The following NPR1 variants were observed in gnomAD, a reference collection of about 807,000 sequenced individuals.
The protein encoded by NPR1 is natriuretic peptide receptor 1.
NPR1 carries 57 observed loss-of-function variants against 116.9 expected under a neutral mutation model. The ratio of observed to expected loss-of-function variants is 0.49; its 90% CI spans 0.39 to 0.61. The LOEUF (loss-of-function observed/expected upper bound fraction) is 0.61. NPR1 is among the 20% of genes least tolerant of loss of function. The probability of loss-of-function intolerance (pLI) is 0.00; values close to 1 mark genes in which losing one functional copy is unlikely to be tolerated. For missense variants in NPR1, 1,096 were observed against 1,409.8 expected (o/e 0.78, Z 3.56); for synonymous variants, 555 against 601.6 (o/e 0.92, Z 1.13).
At chr1:153,686,967 T>A in intron 11 of NPR1, 49 bp from the exon 12 acceptor site, 2 of 1,595,436 alleles carry the variant, frequency 1.3e-6, no homozygotes, top group Non-Finnish European at 1.7e-6. Flanking sequence ...CTCCTCCAAC[T>A]CCCAGGGGGA....
Position 153,679,669 on chromosome 1 carries a change from C to T in NPR1, c.561C>T (p.Ala187=), listed in dbSNP as rs1439581713. 3 of 1,608,304 alleles carry T rather than the reference C, an allele frequency of 1.9e-6. No homozygotes were observed. Among genetic ancestry groups the T allele is most frequent in the Non-Finnish European group, 2.5e-6 (3 of 1,178,868 alleles). The change falls in exon 1 of 22, where the codon GCC becomes GCT. Residue 187 remains alanine (A), a synonymous_variant. Coordinates refer to ENST00000368680, the MANE Select transcript of NPR1 (RefSeq NM_000906.4). This position sits in a 1 kb window ranked among gnomAD's most constrained non-coding sequence, Gnocchi z 4.2. ...AGCGCCAAGCGCTCATGCTCTACGC[C>T]TACCGGCCGGGTGACGAAGAGCACT... ...GWERQALMLY[A]YRPGDEEHCF...
At position 153,679,124 on chromosome 1, in the gene NPR1, C is replaced by G; in HGVS notation, c.16C>G (p.Arg6Gly). MPGPR[R>G]PAGSRLRLLL... ...CGCTGAGGCCATGCCGGGGCCCCGG[C>G]GCCCCGCTGGCTCCCGCCTGCGCCT... The change falls in exon 1 of 22, where the codon CGC (arginine) becomes GGC (glycine). Residue 6 changes from arginine (R) to glycine (G), a missense_variant. Arg to Gly is a moderately radical substitution (Grantham distance 125). Coordinates refer to ENST00000368680, the MANE Select transcript of NPR1 (RefSeq NM_000906.4). The surrounding 1 kb of genome is among the most constrained non-coding windows in gnomAD (Gnocchi z 4.2). The G allele has an allele frequency of 7.0e-7, 1 of 1,434,746 alleles. No homozygotes were observed. Among genetic ancestry groups the G allele is most frequent in the Non-Finnish European group, 9.0e-7 (1 of 1,105,522 alleles). The allele number at this position is 1,434,746 out of a possible 1,614,324, so 88.9% of individuals were successfully genotyped here. A position where few individuals can be genotyped will look rare whatever the true frequency, so the allele number is the denominator to read the frequency against.
At position 153,687,952 on chromosome 1, in the gene NPR1, C is replaced by G. The variant is rs1466374589; in HGVS notation, c.2249-101C>G. ...AGTGACCAGTCCCCCGCCCCCATGC[C>G]TTGGTCTTGGACTTCCCCTGCCATC... is the stretch of plus-strand genomic sequence containing the variant. On this transcript the variant is annotated intron_variant, in intron 14 of 21. Transcript: ENST00000368680. 6 of 1,109,892 alleles carry G rather than the reference C, an allele frequency of 5.4e-6. No homozygotes were observed. The Middle Eastern group carries it at 1.2e-3, about 228-fold the overall frequency. 68.8% of individuals were successfully genotyped at this position (1,109,892 alleles called of 1,614,324 possible).
Position 153,679,886 on chromosome 1 carries a change from T to G in NPR1, c.721+57T>G. The G allele has an allele frequency of 6.6e-7, 1 of 1,509,806 alleles. No homozygotes were observed. Among genetic ancestry groups the G allele is most frequent in the Non-Finnish European group, 8.8e-7 (1 of 1,138,414 alleles). The allele number at this position is 1,509,806 out of a possible 1,614,324, so 93.5% of individuals were successfully genotyped here. On this transcript the variant is annotated intron_variant, in intron 1 of 21. Transcript: ENST00000368680. This position sits in a 1 kb window ranked among gnomAD's most constrained non-coding sequence, Gnocchi z 4.2. ...TAGCCGCAGGGCCTCCCCTCTGACC[T>G]GCCGGAGGCATCGGGACTTTCTCTC...
At position 153,689,122 on chromosome 1, in the gene NPR1, C is replaced by T. The variant is rs375117744; in HGVS notation, c.2564+23C>T. ...TCAGTGAGTGCCTGAGTCTGGGGAC[C>T]CCCCCCAACACAAAGCCCCTGTCCC... On this transcript the variant is annotated intron_variant, in intron 16 of 21. Transcript: ENST00000368680. This position sits in a 1 kb window ranked among gnomAD's most constrained non-coding sequence, Gnocchi z 5.1. 7 of 1,613,782 alleles carry T rather than the reference C, an allele frequency of 4.3e-6. No individual in the cohort carries two copies. The African/African-American group carries it at 6.7e-5, about 15-fold the overall frequency.
At position 153,680,594 on chromosome 1, in the gene NPR1, A is replaced by G; in HGVS notation, c.815A>G (p.His272Arg). ...GLCGEDYVFF[H>R]LDIFGQSLQG... ...TGTGGGGAGGACTACGTTTTCTTCC[A>G]CCTGGATATCTTTGGGCAAAGCCTG... Residue 272 changes from histidine (H) to arginine (R), a missense_variant, in exon 2 of 22, where the codon CAC (histidine) becomes CGC (arginine). His to Arg is a conservative substitution (Grantham distance 29, BLOSUM62 0). Coordinates refer to ENST00000368680, the MANE Select transcript of NPR1 (RefSeq NM_000906.4). 2 of 1,613,928 alleles carry G rather than the reference A, an allele frequency of 1.2e-6. No homozygotes were observed. Among genetic ancestry groups the G allele is most frequent in the Non-Finnish European group, 1.7e-6 (2 of 1,179,982 alleles).
In NPR1 at chr1:153,689,258, T is replaced by C. The variant is rs1670021413; in HGVS notation, c.2635T>C (p.Phe879Leu). 1 of 1,614,076 alleles carries C rather than the reference T, an allele frequency of 6.2e-7. No individual in the cohort carries two copies. The highest frequency in any genetic ancestry group is 1.7e-5 in the Admixed American group (1 of 60,002). The change falls in exon 17 of 22, where the codon TTC (phenylalanine) becomes CTC (leucine). Residue 879 changes from phenylalanine (F) to leucine (L), a missense_variant. Coordinates refer to ENST00000368680, the MANE Select transcript of NPR1 (RefSeq NM_000906.4). This position sits in a 1 kb window ranked among gnomAD's most constrained non-coding sequence, Gnocchi z 5.1. ...AGCCTTTGACAGTGTTACCATCTACTTCAGTGACATTGTGGGTTTCACAGC... is the reference window on the plus strand; with the variant it reads ...AGCCTTTGACAGTGTTACCATCTACCTCAGTGACATTGTGGGTTTCACAGC... ...AEAFDSVTIY[F>L]SDIVGFTALS... is the part of the protein sequence containing the mutation.
In NPR1 at chr1:153,678,784, T is replaced by A. The variant is rs1669669435; in HGVS notation, c.-325T>A. 2.8e-6 allele frequency: 1 copy of A among 355,032 alleles called. No homozygotes were observed. Among genetic ancestry groups the A allele is most frequent in the Admixed American group, 5.5e-5 (1 of 18,030 alleles). 22.0% of individuals were successfully genotyped at this position (355,032 alleles called of 1,614,324 possible). On this transcript the variant is annotated 5_prime_UTR_variant, in exon 1 of 22. Transcript: ENST00000368680. The surrounding 1 kb of genome is among the most constrained non-coding windows in gnomAD (Gnocchi z 5.8). ...TCATCCTTCTTCACGAAGCGCTCAC[T>A]CGCACCCTTTCTCTCTCTCTCTCTC...
chr1:153,683,597 T>G, intron 6 of NPR1, 86 bp downstream of exon 6: 1 of 1,578,330 alleles, frequency 6.3e-7, no homozygotes, highest in Non-Finnish European at 8.7e-7. Context: ...TCCTGTCCCA[T>G]GCTGAGGGCT....
At position 153,679,124 on chromosome 1, in the gene NPR1, C is replaced by A. The variant is rs13305996; in HGVS notation, c.16C>A (p.Arg6Ser). 8,996 of 1,434,740 alleles carry A rather than the reference C, an allele frequency of 6.3e-3. 255 individuals carry two copies. The highest frequency in any genetic ancestry group is 0.052 in the African/African-American group (3,481 of 66,578). 88.9% of individuals were successfully genotyped at this position (1,434,740 alleles called of 1,614,324 possible). Residue 6 changes from arginine (R) to serine (S), a missense_variant, in exon 1 of 22, where the codon CGC becomes AGC. By Grantham distance (110) the Arg-to-Ser change is moderately radical (BLOSUM62 -1). Coordinates refer to ENST00000368680, the MANE Select transcript of NPR1 (RefSeq NM_000906.4). The surrounding 1 kb of genome is among the most constrained non-coding windows in gnomAD (Gnocchi z 4.2). Reference sequence around the variant, plus strand: ...CGCTGAGGCCATGCCGGGGCCCCGGCGCCCCGCTGGCTCCCGCCTGCGCCT... The same window carrying A: ...CGCTGAGGCCATGCCGGGGCCCCGGAGCCCCGCTGGCTCCCGCCTGCGCCT... MPGPR[R>S]PAGSRLRLLL...
At position 153,687,359 on chromosome 1, in the gene NPR1, G is replaced by A. The variant is rs1425975177; in HGVS notation, c.2092+3G>A. ...GCAAGGACACACCGTTTATGCCAGT[G>A]AGCCTTGACTCTTGAACCTAACACC... On this transcript the variant is annotated splice_donor_region_variant and intron_variant, in intron 13 of 21. Transcript: ENST00000368680. 2 of 1,613,744 alleles carry A rather than the reference G, an allele frequency of 1.2e-6. No homozygotes were observed. Among genetic ancestry groups the A allele is most frequent in the Non-Finnish European group, 1.7e-6 (2 of 1,179,878 alleles).
At position 153,689,624 on chromosome 1, in the gene NPR1, G is replaced by T; in HGVS notation, c.2757+103G>T. 7.7e-7 allele frequency: 1 copy of T among 1,296,782 alleles called. No homozygotes were observed. The highest frequency in any genetic ancestry group is 1.8e-5 in the Admixed American group (1 of 55,262). The allele number at this position is 1,296,782 out of a possible 1,614,324, so 80.3% of individuals were successfully genotyped here. ...ATGTGGAGTCTTAAGAGAGGAGATCGGGGACACGGGCAGAGACAGTGACAC... is the reference window on the plus strand; with the variant it reads ...ATGTGGAGTCTTAAGAGAGGAGATCTGGGACACGGGCAGAGACAGTGACAC... On this transcript the variant is annotated intron_variant, in intron 18 of 21. Transcript: ENST00000368680. The surrounding 1 kb of genome is among the most constrained non-coding windows in gnomAD (Gnocchi z 5.1).
intron 15 of NPR1, among the ~76,000 whole-genome samples, chr1:153,688,456 C>G (rs2101737513): frequency 6.6e-6 from 1 of 152,264 alleles, no homozygotes; most frequent in South Asian, 2.1e-4. Flanking sequence ...ATCGACACCC[C>G]ACACCCTTCC....
intron 5 of NPR1, among the ~76,000 whole-genome samples, 153 bp from the exon 6 acceptor site, chr1:153,683,218 TGTCCA>T (rs1305198900): frequency 1.3e-5 from 2 of 152,132 alleles, no homozygotes; most frequent in African/African-American, 4.8e-5. Context: ...TGAGGTCCTG[TGTCCA>T]GTTGCAGTGG....
rs377360725 is a variant in NPR1 at position 153,687,799 on chromosome 1, G to T, written c.2248+10G>T. Reference sequence around the variant, plus strand: ...GACCTGAGCCCCAAAGGTGAGAGGAGCACACCTTCCTTAAACCCAGCCACA... The same window carrying T: ...GACCTGAGCCCCAAAGGTGAGAGGATCACACCTTCCTTAAACCCAGCCACA... On this transcript the variant is annotated intron_variant, in intron 14 of 21. Coordinates refer to ENST00000368680, the MANE Select transcript of NPR1 (RefSeq NM_000906.4). 1.7e-5 allele frequency: 26 copies of T among 1,568,978 alleles called. No homozygotes were observed. The highest frequency in any genetic ancestry group is 2.1e-5 in the Non-Finnish European group (24 of 1,152,124).
Position 153,680,565 on chromosome 1 carries a change from C to T in NPR1, c.786C>T (p.Gly262=). The T allele has an allele frequency of 6.2e-7, 1 of 1,614,210 alleles. No homozygotes were observed. Among genetic ancestry groups the T allele is most frequent in the Non-Finnish European group, 8.5e-7 (1 of 1,180,044 alleles). The change falls in exon 2 of 22, where the codon GGC becomes GGT. Residue 262 remains glycine, a synonymous_variant. Coordinates refer to ENST00000368680, the MANE Select transcript of NPR1 (RefSeq NM_000906.4). ...TCATGCTCCTGGCCCTGGAAGCTGG[C>T]TTGTGTGGGGAGGACTACGTTTTCT... is the stretch of plus-strand genomic sequence containing the variant. ...RTLMLLALEA[G]LCGEDYVFFH... is the part of the protein sequence containing the mutation.
chr1:153,681,182 T>C lies in NPR1; in HGVS notation c.924T>C (p.Ala308=). ...CTCTCCACTGACCCCTTTCTCAGGCTGCCAAAATCATTACATATAAAGACC... is the reference window on the plus strand; with the variant it reads ...CTCTCCACTGACCCCTTTCTCAGGCCGCCAAAATCATTACATATAAAGACC... The part of the protein sequence containing the change: ...QDVSARQAFQ[A]AKIITYKDPD... Residue 308 remains alanine, a splice_region_variant and synonymous_variant, in exon 3 of 22, where the codon GCT becomes GCC. Transcript: ENST00000368680. 6.2e-7 allele frequency: 1 copy of C among 1,600,442 alleles called. No homozygotes were observed. The highest frequency in any genetic ancestry group is 1.3e-5 in the African/African-American group (1 of 74,756).
chr1:153,688,105 G>C lies in NPR1; in HGVS notation c.2301G>C (p.Leu767=). ...RGEQPPFRPS[L]ALQSHLEELG... ...AGCAGCCCCCCTTCCGGCCCTCCCT[G>C]GCCCTGCAGAGTCACCTGGAGGAGT... The change falls in exon 15 of 22, where the codon CTG becomes CTC. Residue 767 remains leucine, a synonymous_variant. Transcript: ENST00000368680. 1 of 1,613,572 alleles carries C rather than the reference G, an allele frequency of 6.2e-7. No individual in the cohort carries two copies. The highest frequency in any genetic ancestry group is 1.1e-5 in the South Asian group (1 of 91,062).
At chr1:153,687,493 C>T (rs1320574724) in intron 13 of NPR1, 137 bp downstream of exon 13, 1 of 1,476,774 alleles carries the variant, frequency 6.8e-7, no homozygotes, top group East Asian at 2.3e-5. Flanking sequence ...AAGGGAAGGC[C>T]AGACGAAGTG....
Sources: allele counts gnomAD v4.1 joint callset (sites outside exome capture counted in the v4.1 genomes callset), GRCh38; gene constraint gnomAD v4.1.1; non-coding constraint Gnocchi (gnomAD v3.1); transcripts MANE v1.5; gene names NCBI Gene and HGNC (gene_info 2026-07-23, HGNC 2026-07-21).